Variants in COMMD1 observed in about 807,000 individuals in gnomAD.
The protein encoded by COMMD1 is COMM domain-containing protein 1.
Under a neutral mutation model 17.2 loss-of-function variants are expected in COMMD1, and 10 were observed. That is an observed-to-expected ratio of 0.58 (90% CI 0.36 to 0.99). COMMD1 has a LOEUF of 0.99. Among genes scored for constraint, COMMD1 ranks in the 50% least tolerant of loss-of-function variants. COMMD1 has a pLI of 0.01. For synonymous variants in COMMD1, 97 were observed against 91.6 expected, an observed-to-expected ratio of 1.06 and a Z score of -0.34; for missense variants, 270 against 231.8, an observed-to-expected ratio of 1.17 and a Z score of -1.07.
intron 1 of COMMD1, among the ~76,000 whole-genome samples, chr2:61,922,554 G>T (rs1670226651): frequency 6.6e-6 from 1 of 152,154 alleles, no homozygotes; most frequent in African/African-American, 2.4e-5. Flanking sequence ...GACCTCAGGT[G>T]ATCCACCCGC....
chr2:61,924,513 C>T (rs757174575), intron 1 of COMMD1, among the ~76,000 whole-genome samples: 11 of 151,748 alleles, frequency 7.2e-5, no homozygotes, highest in East Asian at 1.9e-4. Context: ...GAGGAGAAGT[C>T]GTCGGCTAGG....
At chr2:62,025,226 C>A (rs1201038782) in intron 2 of COMMD1, among the ~76,000 whole-genome samples, 2 of 147,732 alleles carry the variant, frequency 1.4e-5, no homozygotes, top group East Asian at 4.1e-4. Context: ...CCTCAAAAAA[C>A]AAACAAACAA....
chr2:61,959,352 T>C (rs1671280848), intron 1 of COMMD1, among the ~76,000 whole-genome samples: 1 of 152,178 alleles, frequency 6.6e-6, no homozygotes, highest in South Asian at 2.1e-4. Flanking sequence ...ACCTTAATAG[T>C]ATATATAGCT....
intron 2 of COMMD1, among the ~76,000 whole-genome samples, chr2:62,080,334 G>A (rs867917238): frequency 2.6e-5 from 4 of 152,228 alleles, no homozygotes; most frequent in African/African-American, 9.6e-5. Context: ...CAATGTGCCT[G>A]CCTTATTCAC....
intron 1 of COMMD1, among the ~76,000 whole-genome samples, chr2:61,911,337 G>T (rs1669900873): frequency 6.6e-6 from 1 of 152,052 alleles, no homozygotes; most frequent in African/African-American, 2.4e-5. Context: ...TTAGCTGGTT[G>T]TAGCAGCAGG....
chr2:62,058,994 G>T (rs947536080), intron 2 of COMMD1, among the ~76,000 whole-genome samples: 5 of 151,962 alleles, frequency 3.3e-5, no homozygotes, highest in African/African-American at 1.2e-4. Context: ...TAGTCAGGCC[G>T]GTCTCGAACT....
chr2:61,935,453 A>T (rs1459479611), intron 1 of COMMD1, among the ~76,000 whole-genome samples: 3 of 152,132 alleles, frequency 2.0e-5, no homozygotes, highest in Non-Finnish European at 4.4e-5. Flanking sequence ...ACATGGTGAA[A>T]CCCCATCTCT....
At chr2:61,896,819 C>CT (rs112184843) in intron 1 of COMMD1, among the ~76,000 whole-genome samples, 4,105 of 136,970 alleles carry the variant, frequency 0.03, 107 homozygotes, top group African/African-American at 0.063. Context: ...TTTTCCTTTT[C>CT]TTTTTTTTTT....
intron 2 of COMMD1, among the ~76,000 whole-genome samples, chr2:62,078,202 G>C (rs1671402730): frequency 7.7e-6 from 1 of 130,194 alleles, no homozygotes; most frequent in Non-Finnish European, 1.5e-5. Context: ...GTGAACCCAG[G>C]AAGCGGAGCT....
At chr2:61,958,350 TC>T (rs2103687503) in intron 1 of COMMD1, among the ~76,000 whole-genome samples, 1 of 150,712 alleles carries the variant, frequency 6.6e-6, no homozygotes, top group South Asian at 2.1e-4. Context: ...CACCACAACC[TC>T]TGCCTCCTGG....
chr2:61,981,232 C>A (rs1478242117), intron 1 of COMMD1, among the ~76,000 whole-genome samples: 1 of 152,172 alleles, frequency 6.6e-6, no homozygotes, highest in Non-Finnish European at 1.5e-5. Flanking sequence ...TTGCCCAGTC[C>A]AATGGCCTGA....
At chr2:61,975,182 C>G (rs1205703610) in intron 1 of COMMD1, among the ~76,000 whole-genome samples, 2 of 102,274 alleles carry the variant, frequency 2.0e-5, no homozygotes, top group Non-Finnish European at 3.8e-5. Flanking sequence ...TTTGGGAACT[C>G]TTAGATAAGC....
intron 1 of COMMD1, among the ~76,000 whole-genome samples, chr2:61,906,099 A>C (rs1021916552): frequency 6.6e-6 from 1 of 152,146 alleles, no homozygotes; most frequent in African/African-American, 2.4e-5. Context: ...TGACACCCAC[A>C]GGGGTTTTTC....
At chr2:61,893,378 AAAAC>A (rs1185643294) in intron 1 of COMMD1, among the ~76,000 whole-genome samples, 2 of 152,056 alleles carry the variant, frequency 1.3e-5, no homozygotes, top group Non-Finnish European at 2.9e-5. Context: ...AAGTTTAAGA[AAAAC>A]AAATAAAAAT....
chr2:62,025,996 G>A (rs1453301297), intron 2 of COMMD1, among the ~76,000 whole-genome samples: 13 of 152,076 alleles, frequency 8.5e-5, no homozygotes, highest in Admixed American at 4.6e-4. Context: ...GCCTGGCCAG[G>A]ATACACTGTT....
At chr2:61,974,326 T>C (rs1028224494) in intron 1 of COMMD1, among the ~76,000 whole-genome samples, 1 of 151,994 alleles carries the variant, frequency 6.6e-6, no homozygotes, top group African/African-American at 2.4e-5. Context: ...AAATAATCTG[T>C]ATCTATTTTC....
At chr2:62,082,639 A>T (rs1573160813) in intron 2 of COMMD1, among the ~76,000 whole-genome samples, 1 of 152,166 alleles carries the variant, frequency 6.6e-6, no homozygotes, top group Non-Finnish European at 1.5e-5. Flanking sequence ...AGGCAGGCGG[A>T]TCACAAGGTC....
intron 1 of COMMD1, among the ~76,000 whole-genome samples, chr2:61,917,440 C>G (rs1189760810): frequency 6.6e-6 from 1 of 151,244 alleles, no homozygotes; most frequent in Admixed American, 6.6e-5. Flanking sequence ...TTTTTAAAAT[C>G]AAAGAATGGC....
chr2:62,068,754 A>G (rs1671122788), intron 2 of COMMD1, among the ~76,000 whole-genome samples: 1 of 150,444 alleles, frequency 6.6e-6, no homozygotes, highest in Admixed American at 6.7e-5. Context: ...CTTCCTGAGT[A>G]ACTGGTACTA....
Sources: gnomAD v4.1 joint callset for allele counts (sites outside exome capture counted in the v4.1 genomes callset) on GRCh38, gnomAD v4.1.1 for gene constraint, MANE v1.5 for transcripts, NCBI Gene and HGNC (gene_info 2026-07-23, HGNC 2026-07-21) for gene names.